Variants in KCNIP3 observed in about 807,000 individuals in gnomAD.
KCNIP3 encodes the protein potassium voltage-gated channel interacting protein 3.
Under a neutral mutation model 35.0 loss-of-function variants are expected in KCNIP3, and 28 were observed. The ratio of observed to expected loss-of-function variants is 0.80; its 90% confidence interval spans 0.59 to 1.10. The LOEUF is 1.10. Among genes scored for constraint, KCNIP3 ranks in the 50% least tolerant of loss-of-function variants. The pLI is 0.00. For missense variants in KCNIP3, 295 were observed against 338.4 expected (o/e 0.87, Z 1.01); for synonymous variants, 134 against 133.8 (o/e 1.00, Z -0.01).
chr2:95,357,783 G>T (rs1274868172), intron 2 of KCNIP3, among the ~76,000 whole-genome samples: 1 of 152,194 alleles, frequency 6.6e-6, no homozygotes, highest in Non-Finnish European at 1.5e-5. Context: ...TGTACTTTTG[G>T]AAATATCAGA....
At chr2:95,334,730 G>A (rs1376493330) in intron 2 of KCNIP3, among the ~76,000 whole-genome samples, 1 of 152,182 alleles carries the variant, frequency 6.6e-6, no homozygotes, top group Non-Finnish European at 1.5e-5. Context: ...GAGGAAATGG[G>A]AACCTTTCAT....
intron 2 of KCNIP3, among the ~76,000 whole-genome samples, chr2:95,353,686 A>C (rs1306966091): frequency 6.6e-6 from 1 of 152,114 alleles, no homozygotes; most frequent in Non-Finnish European, 1.5e-5. Context: ...GGCAAGCAGA[A>C]GTGGGTGCAG....
At chr2:95,311,529 G>C (rs779499379) in intron 2 of KCNIP3, 6 of 152,272 alleles carry the variant, frequency 3.9e-5, no homozygotes, top group Non-Finnish European at 8.8e-5. Flanking sequence ...AGCCTCCTAG[G>C]CTTGATGGGG....
intron 2 of KCNIP3, among the ~76,000 whole-genome samples, chr2:95,373,291 T>TG (rs2104298298): frequency 6.6e-6 from 1 of 152,276 alleles, no homozygotes; most frequent in African/African-American, 2.4e-5. Context: ...ATTGTAAAAG[T>TG]GATGCATGTC....
rs868524057 is a variant in KCNIP3 at position 95,375,170 on chromosome 2, G to A, written c.409G>A (p.Ala137Thr). The change falls in exon 5 of 9, where the codon GCC (alanine) becomes ACC (threonine). Residue 137 changes from alanine to threonine, a missense_variant. Ala to Thr is a moderately conservative substitution (Grantham distance 58). Transcript: ENST00000295225. Reference sequence around the variant, plus strand: ...CACCTATGCACACTTCCTCTTCAACGCCTTTGATGCGGACGGGAACGGGGC... The same window carrying A: ...CACCTATGCACACTTCCTCTTCAACACCTTTGATGCGGACGGGAACGGGGC... ...ATTYAHFLFN[A>T]FDADGNGAIH... 5.0e-6 allele frequency: 8 copies of A among 1,614,124 alleles called. 1 individual carries two copies. In the Middle Eastern group the frequency reaches 6.6e-4, roughly 133 times the overall value.
In KCNIP3 at chr2:95,372,789, G is replaced by C. The variant is rs553347062; in HGVS notation, c.182-1507G>C. On this transcript the variant is annotated intron_variant, in intron 2 of 8. Coordinates refer to ENST00000295225, the MANE Select transcript of KCNIP3 (RefSeq NM_013434.5). ...GCAACCTGAGGGTAAGGATGGGAGA[G>C]GAGATACTGGAAACTTAAGGGGAAG... 2.1e-4 allele frequency among the ~76,000 whole-genome samples: 32 copies of C among 152,304 alleles called. 1 individual carries two copies. The South Asian group carries it at 6.2e-3, about 30-fold the overall frequency.
At chr2:95,335,568 T>A (rs1193608618) in intron 2 of KCNIP3, among the ~76,000 whole-genome samples, 1 of 152,228 alleles carries the variant, frequency 6.6e-6, no homozygotes, top group Non-Finnish European at 1.5e-5. Context: ...TGTCAGAATC[T>A]CCACACCATA....
intron 2 of KCNIP3, among the ~76,000 whole-genome samples, chr2:95,345,613 G>A (rs1465639851): frequency 6.6e-6 from 1 of 152,234 alleles, no homozygotes; most frequent in Non-Finnish European, 1.5e-5. Flanking sequence ...TTCTCCCTTG[G>A]CTAACACAGC....
At chr2:95,329,981 C>T (rs1227207170) in intron 2 of KCNIP3, among the ~76,000 whole-genome samples, 1 of 152,226 alleles carries the variant, frequency 6.6e-6, no homozygotes, top group Non-Finnish European at 1.5e-5. Context: ...CCCCTCTCCC[C>T]ATTTCTGCTG....
At chr2:95,310,307 C>T (rs777726916) in intron 1 of KCNIP3, 48 bp from the exon 2 acceptor site, 3 of 1,611,008 alleles carry the variant, frequency 1.9e-6, no homozygotes, top group Non-Finnish European at 2.5e-6. Flanking sequence ...TCCAGGGGTC[C>T]CCCCTCTGAG....
intron 2 of KCNIP3, among the ~76,000 whole-genome samples, chr2:95,371,510 A>G (rs1024908566): frequency 6.6e-6 from 1 of 152,218 alleles, no homozygotes; most frequent in African/African-American, 2.4e-5. Flanking sequence ...GTGTATCTAC[A>G]ATTATACAGT....
In KCNIP3 at chr2:95,325,733, ACACTCATACACACG is replaced by A. The variant is rs781071954; in HGVS notation, c.181+15227_181+15240del. Among the ~76,000 whole-genome samples, 30 of 152,006 alleles carry A rather than the reference ACACTCATACACACG, an allele frequency of 2.0e-4. No individual in the cohort carries two copies. The East Asian group carries it at 2.3e-3, about 12-fold the overall frequency. On this transcript the variant is annotated intron_variant, in intron 2 of 8. Coordinates refer to ENST00000295225, the MANE Select transcript of KCNIP3 (RefSeq NM_013434.5). ...CACAGTCATACACTTATACACATAC[ACACTCATACACACG>A]CACTCATACACACATACACACTCAT...
At chr2:95,314,925 C>T (rs925447114) in intron 2 of KCNIP3, among the ~76,000 whole-genome samples, 15 of 152,280 alleles carry the variant, frequency 9.9e-5, no homozygotes, top group Middle Eastern at 3.4e-3. Context: ...CACTGGCACC[C>T]GACAGGGCAG....
chr2:95,318,859 A>C (rs1267117758), intron 2 of KCNIP3, among the ~76,000 whole-genome samples: 2 of 152,202 alleles, frequency 1.3e-5, no homozygotes, highest in African/African-American at 4.8e-5. Context: ...GATGTCCCTA[A>C]AACAAAGATG....
In KCNIP3 at chr2:95,326,531, C is replaced by T. The variant is rs1678799484; in HGVS notation, c.181+16011C>T. On this transcript the variant is annotated intron_variant, in intron 2 of 8. Transcript: ENST00000295225. The stretch of plus-strand genomic sequence containing the variant: ...CTGTGTAACTGGACCGGCCTGCCGG[C>T]CCTGTTCTCAAATGGGAAGCCCTAC... Among the ~76,000 whole-genome samples, 3 of 152,354 alleles carry T rather than the reference C, an allele frequency of 2.0e-5. No homozygotes were observed. The Middle Eastern group carries it at 0.01, about 518-fold the overall frequency.
intron 2 of KCNIP3, among the ~76,000 whole-genome samples, chr2:95,340,624 G>A (rs955898443): frequency 6.6e-6 from 1 of 152,212 alleles, no homozygotes; most frequent in African/African-American, 2.4e-5. Flanking sequence ...AACATGAGGG[G>A]ATTTTTCATG....
intron 2 of KCNIP3, among the ~76,000 whole-genome samples, chr2:95,315,825 G>A (rs868046499): frequency 1.3e-5 from 2 of 152,162 alleles, no homozygotes; most frequent in Non-Finnish European, 2.9e-5. Context: ...TGTGGGAGTC[G>A]CAGCCCCCGC....
At chr2:95,342,373 T>G (rs1416380141) in intron 2 of KCNIP3, among the ~76,000 whole-genome samples, 1 of 152,248 alleles carries the variant, frequency 6.6e-6, no homozygotes, top group African/African-American at 2.4e-5. Flanking sequence ...ATAAGTCATG[T>G]TGAAACACCT....
chr2:95,343,029 TAGG>T (rs1222105034), intron 2 of KCNIP3, among the ~76,000 whole-genome samples: 8 of 147,162 alleles, frequency 5.4e-5, no homozygotes, highest in African/African-American at 2.0e-4. Context: ...CGAGAAGAGG[TAGG>T]AGGAGAACCA....
Sources: gnomAD v4.1 joint callset for allele counts (sites outside exome capture counted in the v4.1 genomes callset) on GRCh38, gnomAD v4.1.1 for gene constraint, MANE v1.5 for transcripts, NCBI Gene and HGNC (gene_info 2026-07-23, HGNC 2026-07-21) for gene names.